Variants in PSPC1 observed in about 807,000 individuals in gnomAD.
PSPC1 encodes the protein paraspeckle protein 1.
In PSPC1, 14 loss-of-function variants were observed where a neutral mutation model predicts 51.6. The observed-to-expected ratio is 0.27, with a 90% CI of 0.18 to 0.42. PSPC1 has a LOEUF of 0.42. Ranked by LOEUF, PSPC1 falls within the 10% of genes least tolerant of loss-of-function variation. PSPC1 has a pLI of 1.00. For synonymous variants in PSPC1, 193 were observed against 231.9 expected (o/e 0.83, Z 1.53); for missense variants, 406 against 701.1 (o/e 0.58, Z 4.75).
At chr13:19,781,835 A>G (rs951051863) in intron 1 of PSPC1, among the ~76,000 whole-genome samples, 5 of 152,222 alleles carry the variant, frequency 3.3e-5, no homozygotes, top group African/African-American at 1.2e-4. Context: ...AAACGCATAT[A>G]GGTGTGGTTG....
At chr13:19,761,230 C>G (rs1331281565) in intron 2 of PSPC1, among the ~76,000 whole-genome samples, 1 of 151,946 alleles carries the variant, frequency 6.6e-6, no homozygotes, top group African/African-American at 2.4e-5. Context: ...AGGAGAAAAG[C>G]TGGGATAAGG....
Position 19,782,670 on chromosome 13 carries a change from C to G in PSPC1, c.88G>C (p.Glu30Gln), listed in dbSNP as rs901807654. 3 of 1,553,124 alleles carry G rather than the reference C, an allele frequency of 1.9e-6. No individual in the cohort carries two copies. Among genetic ancestry groups the G allele is most frequent in the Non-Finnish European group, 2.6e-6 (3 of 1,160,168 alleles). ...GCCATGGCTGCCGCGGCCGCCGGCT[C>G]GCTCTCGCCCACCGCGGACTCCAGG... ...RALESAVGES[E>Q]PAAAAAMALA... is the part of the protein sequence containing the mutation. The change falls in exon 1 of 9, where the codon GAG becomes CAG. Residue 30 changes from glutamate to glutamine, a missense_variant. Glu to Gln is a conservative substitution (Grantham distance 29). Transcript: ENST00000338910. This position sits in a 1 kb window ranked among gnomAD's most constrained non-coding sequence, Gnocchi z 4.5.
At chr13:19,672,006 C>A, downstream of PSPC1, 1 of 859,076 alleles carries the variant, frequency 1.2e-6, no homozygotes, top group Admixed American at 2.2e-5. Flanking sequence ...AGCCTGTTGT[C>A]TGTTGTAGTC....
intron 2 of PSPC1, among the ~76,000 whole-genome samples, chr13:19,766,743 A>T (rs183325258): frequency 2.3e-4 from 35 of 151,974 alleles, no homozygotes; most frequent in Admixed American, 2.1e-3. Context: ...TAGTCCCAGC[A>T]GCTTGGGAGC....
chr13:19,714,677 T>C (rs1460410905), intron 6 of PSPC1, among the ~76,000 whole-genome samples: 1 of 152,056 alleles, frequency 6.6e-6, no homozygotes, highest in Non-Finnish European at 1.5e-5. Context: ...GTGTTTTTTG[T>C]AGAAATGGGG....
intron 1 of PSPC1, among the ~76,000 whole-genome samples, chr13:19,780,332 C>G (rs1204558074): frequency 9.5e-6 from 1 of 105,006 alleles, no homozygotes; most frequent in African/African-American, 3.2e-5. Context: ...TCATTGAGAA[C>G]GGGCCAGGAT....
At chr13:19,754,680 TC>T (rs1255151105) in intron 3 of PSPC1, among the ~76,000 whole-genome samples, 1 of 152,058 alleles carries the variant, frequency 6.6e-6, no homozygotes, top group Non-Finnish European at 1.5e-5. Flanking sequence ...CCTCAGGTGA[TC>T]CACCCACCTC....
intron 6 of PSPC1, among the ~76,000 whole-genome samples, chr13:19,680,644 G>T (rs1369687233): frequency 6.6e-6 from 1 of 152,036 alleles, no homozygotes; most frequent in African/African-American, 2.4e-5. Context: ...AAAAGAAAAG[G>T]TCTCCCTTAA....
At chr13:19,672,590 A>C (rs914080769), downstream of PSPC1, 7 of 152,860 alleles carry the variant, frequency 4.6e-5, no homozygotes, top group African/African-American at 1.4e-4. Context: ...CAAGCACCAA[A>C]TAAAGTGTGG....
At chr13:19,773,645 T>C (rs537671596) in intron 1 of PSPC1, among the ~76,000 whole-genome samples, 6 of 151,984 alleles carry the variant, frequency 3.9e-5, no homozygotes, top group Non-Finnish European at 8.8e-5. Context: ...CTGTTAGTTC[T>C]TGGGTTTTTT....
chr13:19,714,832 T>C (rs1881901528), intron 6 of PSPC1, among the ~76,000 whole-genome samples: 1 of 152,070 alleles, frequency 6.6e-6, no homozygotes, highest in South Asian at 2.1e-4. Flanking sequence ...CTTTTAAGTT[T>C]TACAGTAGTA....
At chr13:19,708,093 T>G (rs150994319) in intron 7 of PSPC1, among the ~76,000 whole-genome samples, 2,711 of 152,296 alleles carry the variant, frequency 0.018, 82 homozygotes, top group African/African-American at 0.062. Flanking sequence ...ATCAGAGATA[T>G]TCACTAACTA....
rs765087547 is a variant in PSPC1 at position 19,782,677 on chromosome 13, G to A, written c.81C>T (p.Gly27=). The A allele has an allele frequency of 5.1e-6, 8 of 1,563,770 alleles. No individual in the cohort carries two copies. Among genetic ancestry groups the A allele is most frequent in the Admixed American group, 2.0e-5 (1 of 50,916 alleles). ...CTGCCGCGGCCGCCGGCTCGCTCTC[G>A]CCCACCGCGGACTCCAGGGCGCGAA... ...ARLRALESAV[G]ESEPAAAAAM... The change falls in exon 1 of 9, where the codon GGC becomes GGT. Residue 27 remains glycine, a synonymous_variant. Transcript: ENST00000338910. This position sits in a 1 kb window ranked among gnomAD's most constrained non-coding sequence, Gnocchi z 4.5.
At chr13:19,734,938 A>G (rs1016981520) in intron 5 of PSPC1, among the ~76,000 whole-genome samples, 2 of 151,354 alleles carry the variant, frequency 1.3e-5, no homozygotes, top group African/African-American at 4.8e-5. Flanking sequence ...AGATCACACC[A>G]CTGCATTACA....
intron 2 of PSPC1, among the ~76,000 whole-genome samples, chr13:19,763,104 C>CA (rs377273050): frequency 0.096 from 12,533 of 131,150 alleles, 712 homozygotes; most frequent in Non-Finnish European, 0.14. Flanking sequence ...AAACTGTTTC[C>CA]AAAAAAAAAA....
intron 2 of PSPC1, among the ~76,000 whole-genome samples, chr13:19,766,803 T>C (rs1281721703): frequency 1.3e-5 from 2 of 150,940 alleles, no homozygotes; most frequent in Non-Finnish European, 2.9e-5. Context: ...TGCAACGAGC[T>C]GTGATAATGC....
chr13:19,705,546 T>C (rs1460537413), intron 8 of PSPC1, 116 bp downstream of exon 8: 1 of 736,350 alleles, frequency 1.4e-6, no homozygotes, highest in Non-Finnish European at 2.0e-6. Flanking sequence ...CACAAAATTT[T>C]CTTCTTCATT....
chr13:19,707,234 CTA>C (rs1880799761), intron 7 of PSPC1, among the ~76,000 whole-genome samples: 1 of 152,012 alleles, frequency 6.6e-6, no homozygotes, highest in Non-Finnish European at 1.5e-5. Flanking sequence ...CAGAATATAA[CTA>C]TACAACTATG....
chr13:19,758,691 C>T (rs1887322176), intron 3 of PSPC1, among the ~76,000 whole-genome samples: 1 of 151,454 alleles, frequency 6.6e-6, no homozygotes, highest in African/African-American at 2.4e-5. Flanking sequence ...AAAAATTAGT[C>T]GGGCGTGGTG....
Sources: gnomAD v4.1 joint callset for allele counts (sites outside exome capture counted in the v4.1 genomes callset) on GRCh38, gnomAD v4.1.1 for gene constraint, Gnocchi (gnomAD v3.1) non-coding constraint, MANE v1.5 for transcripts, NCBI Gene and HGNC (gene_info 2026-07-23, HGNC 2026-07-21) for gene names.